Variants in CHRM2 observed in about 807,000 individuals in gnomAD.
CHRM2 encodes the protein muscarinic acetylcholine receptor M2.
Under a neutral mutation model 25.0 loss-of-function variants are expected in CHRM2, and 8 were observed. The observed-to-expected ratio is 0.32, with a 90% CI of 0.19 to 0.58. The LOEUF (loss-of-function observed/expected upper bound fraction) is 0.58, where lower values mean the gene tolerates loss of function less well. Among genes scored for constraint, CHRM2 ranks in the 20% least tolerant of loss-of-function variants. CHRM2 has a pLI of 0.88. For missense variants in CHRM2, 440 were observed against 567.1 expected (o/e 0.78, Z 2.28); for synonymous variants, 202 against 205.7 (o/e 0.98, Z 0.15).
chr7:137,006,802 C>T (rs902761448), intron 3 of CHRM2, among the ~76,000 whole-genome samples: 3 of 151,846 alleles, frequency 2.0e-5, no homozygotes, highest in South Asian at 2.1e-4. Flanking sequence ...TAAAATCTGC[C>T]GCCGTATGCT....
intron 2 of CHRM2, among the ~76,000 whole-genome samples, chr7:136,991,014 A>G (rs543506723): frequency 6.6e-6 from 1 of 152,166 alleles, no homozygotes; most frequent in South Asian, 2.1e-4. Context: ...CCATCTGTAT[A>G]TGTTTTCTGG....
At chr7:136,874,132 T>A (rs1795954621) in intron 2 of CHRM2, among the ~76,000 whole-genome samples, 1 of 152,178 alleles carries the variant, frequency 6.6e-6, no homozygotes, top group African/African-American at 2.4e-5. Flanking sequence ...TGTCTCTCCA[T>A]TTTTTCATGC....
chr7:136,965,794 G>C (rs1801378123), intron 2 of CHRM2, among the ~76,000 whole-genome samples: 1 of 151,830 alleles, frequency 6.6e-6, no homozygotes, highest in Non-Finnish European at 1.5e-5. Flanking sequence ...TAAAAATCAA[G>C]ATGGGAAGAA....
chr7:136,966,060 T>C (rs538339655), intron 2 of CHRM2, among the ~76,000 whole-genome samples: 12 of 151,912 alleles, frequency 7.9e-5, no homozygotes, highest in Admixed American at 7.9e-4. Flanking sequence ...CTTCTACATT[T>C]TTCTATGAAG....
chr7:136,903,541 ATATT>A (rs1478713232), intron 2 of CHRM2, among the ~76,000 whole-genome samples: 1 of 152,006 alleles, frequency 6.6e-6, no homozygotes, highest in Non-Finnish European at 1.5e-5. Flanking sequence ...TATAAGTAAA[ATATT>A]TGTTTGTGAA....
intron 2 of CHRM2, among the ~76,000 whole-genome samples, chr7:136,956,328 G>A (rs1321752580): frequency 6.6e-6 from 1 of 152,022 alleles, no homozygotes; most frequent in Non-Finnish European, 1.5e-5. Flanking sequence ...TCTTTTTAAT[G>A]TACTATTTAT....
intron 2 of CHRM2, among the ~76,000 whole-genome samples, chr7:136,981,062 C>A (rs1415067025): frequency 6.6e-6 from 1 of 152,112 alleles, no homozygotes; most frequent in East Asian, 1.9e-4. Flanking sequence ...GCTGTGAATC[C>A]GTCTGTTCCT....
rs17168800 is a variant in CHRM2 at position 136,920,656 on chromosome 7, T to A, written c.-125+51238T>A. 6.5e-3 allele frequency among the ~76,000 whole-genome samples: 995 copies of A among 152,256 alleles called. 7 individuals are homozygous for A. Among genetic ancestry groups the A allele is most frequent in the African/African-American group, 0.023 (935 of 41,552 alleles). On this transcript the variant is annotated intron_variant, in intron 2 of 3. Coordinates refer to ENST00000680005, the MANE Select transcript of CHRM2 (RefSeq NM_001006630.2). ...GCATGTGTAAACCATATTTGCATGT[T>A]AATTATTTTGGGAAAAGCAATTATA... is the stretch of plus-strand genomic sequence containing the variant.
intron 2 of CHRM2, among the ~76,000 whole-genome samples, chr7:136,987,003 C>T (rs749623814): frequency 3.7e-4 from 56 of 152,298 alleles, no homozygotes; most frequent in South Asian, 6.2e-4. Flanking sequence ...AAAACAGAAA[C>T]GAACAGGCAA....
chr7:136,977,768 T>G (rs1405999668), intron 2 of CHRM2, among the ~76,000 whole-genome samples: 1 of 152,224 alleles, frequency 6.6e-6, no homozygotes, highest in Non-Finnish European at 1.5e-5. Flanking sequence ...ATCATTTTTC[T>G]TGTTGCAATT....
chr7:136,978,089 G>A (rs149240404), intron 2 of CHRM2, among the ~76,000 whole-genome samples: 167 of 152,144 alleles, frequency 1.1e-3, no homozygotes, highest in Middle Eastern at 3.4e-3. Context: ...GGGGGAACAC[G>A]GGCTGGAAAA....
chr7:136,906,280 T>C (rs1198399292), intron 2 of CHRM2, among the ~76,000 whole-genome samples: 3 of 151,020 alleles, frequency 2.0e-5, no homozygotes, highest in African/African-American at 7.3e-5. Context: ...ATTAAAAATA[T>C]TGGAATAAAA....
intron 2 of CHRM2, among the ~76,000 whole-genome samples, chr7:136,971,818 T>G (rs1584853019): frequency 3.4e-5 from 1 of 29,426 alleles, no homozygotes; most frequent in Non-Finnish European, 1.4e-4. Flanking sequence ...AAAAGACAAA[T>G]TTAAAAGCAT....
intron 2 of CHRM2, among the ~76,000 whole-genome samples, chr7:136,933,133 C>T (rs1193890737): frequency 2.0e-5 from 3 of 152,196 alleles, no homozygotes; most frequent in Admixed American, 2.0e-4. Flanking sequence ...ACAAATTGAA[C>T]AGTCGCTCAA....
chr7:136,956,612 T>C (rs1225484605), intron 2 of CHRM2, among the ~76,000 whole-genome samples: 1 of 152,126 alleles, frequency 6.6e-6, no homozygotes, highest in East Asian at 1.9e-4. Flanking sequence ...CCCAGAGGAT[T>C]TGAAAATTAC....
intron 2 of CHRM2, among the ~76,000 whole-genome samples, chr7:136,873,886 T>A (rs1795942819): frequency 6.6e-6 from 1 of 152,254 alleles, no homozygotes; most frequent in African/African-American, 2.4e-5. Flanking sequence ...AGTCAGTGAT[T>A]GCCTCTGGCA....
intron 2 of CHRM2, among the ~76,000 whole-genome samples, chr7:136,953,825 T>C (rs1356647497): frequency 6.6e-6 from 1 of 152,110 alleles, no homozygotes; most frequent in African/African-American, 2.4e-5. Context: ...CTCCTAGTTG[T>C]ACCCCACTTG....
intron 2 of CHRM2, chr7:136,914,128 A>G (rs982983963): frequency 6.6e-6 from 1 of 151,786 alleles, no homozygotes; most frequent in Non-Finnish European, 1.5e-5. Context: ...GTGATTGCTT[A>G]CCTCCGCTTC....
At position 136,919,870 on chromosome 7, in the gene CHRM2, C is replaced by T. The variant is rs1230625486; in HGVS notation, c.-125+50452C>T. On this transcript the variant is annotated intron_variant, in intron 2 of 3. Coordinates refer to ENST00000680005, the MANE Select transcript of CHRM2 (RefSeq NM_001006630.2). ...CAGCTCTATTGGGTTCTTATGTATA[C>T]TTCAGTCAAAGTGGTCATTGACCTT... Among the ~76,000 whole-genome samples the T allele has an allele frequency of 2.4e-4, 36 of 152,092 alleles. 1 individual carries two copies. The highest frequency in any genetic ancestry group is 2.9e-5 in the Non-Finnish European group (2 of 68,014).
Sources: gnomAD v4.1 joint callset for allele counts (sites outside exome capture counted in the v4.1 genomes callset) on GRCh38, gnomAD v4.1.1 for gene constraint, MANE v1.5 for transcripts, NCBI Gene and HGNC (gene_info 2026-07-23, HGNC 2026-07-21) for gene names.